APC: variants seen among roughly 807,000 people sequenced by gnomAD.
APC encodes the protein APC regulator of Wnt signaling pathway.
APC carries 72 observed loss-of-function variants against 247.0 expected under a neutral mutation model. The ratio of observed to expected loss-of-function variants is 0.29; its 90% CI spans 0.24 to 0.35. APC has a LOEUF of 0.35. Ranked by LOEUF, APC falls within the 10% of genes least tolerant of loss-of-function variation. The pLI is 1.00. For missense variants in APC, 3,400 were observed against 3,360.7 expected (o/e 1.01, Z -0.29); for synonymous variants, 1,254 against 1,162.5 (o/e 1.08, Z -1.60).
intron 1 of APC, among the ~76,000 whole-genome samples, chr5:112,718,262 T>C (rs113036052): frequency 1.2e-3 from 178 of 152,284 alleles, no homozygotes; most frequent in Non-Finnish European, 2.2e-3. Flanking sequence ...TAGAAATAAA[T>C]TGATGTATAT....
chr5:112,753,604 G>T (rs1022919302), intron 1 of APC, among the ~76,000 whole-genome samples: 1 of 152,070 alleles, frequency 6.6e-6, no homozygotes, highest in Non-Finnish European at 1.5e-5. Flanking sequence ...ATCCCTGCCT[G>T]CAGGACTCCC....
chr5:112,724,874 A>G (rs1751686287), intron 1 of APC, among the ~76,000 whole-genome samples: 1 of 152,226 alleles, frequency 6.6e-6, no homozygotes, highest in Non-Finnish European at 1.5e-5. Context: ...CCTTACATAT[A>G]GTGCTAATGA....
chr5:112,735,618 A>G (rs770101341), upstream of APC, among the ~76,000 whole-genome samples: 14 of 151,898 alleles, frequency 9.2e-5, no homozygotes, highest in Non-Finnish European at 2.1e-4. Context: ...TGCTTCAGTA[A>G]TTTTCCATGC....
At chr5:112,711,522 AT>A (rs1478109756) in intron 1 of APC, among the ~76,000 whole-genome samples, 1 of 152,116 alleles carries the variant, frequency 6.6e-6, no homozygotes, top group African/African-American at 2.4e-5. Context: ...GTTTCTTCAC[AT>A]TTTCCTTTTA....
chr5:112,797,493 C>G (rs1760336552), intron 7 of APC, among the ~76,000 whole-genome samples: 1 of 152,108 alleles, frequency 6.6e-6, no homozygotes, highest in African/African-American at 2.4e-5. Context: ...GGTTTAAGGT[C>G]TAGATGCTGG....
At chr5:112,767,752 A>G (rs1292984202) in intron 4 of APC, among the ~76,000 whole-genome samples, 2 of 150,754 alleles carry the variant, frequency 1.3e-5, no homozygotes, top group African/African-American at 4.9e-5. Context: ...TGCCTCAGCC[A>G]CCCAAGTAGC....
rs1765237439 is a variant in APC at position 112,838,251 on chromosome 5, A to G, written c.2657A>G (p.Gln886Arg). Reference sequence around the variant, plus strand: ...TTGCAGATCTCCACCACTGCAGCCCAGATTGCCAAAGTCATGGAAGAAGTG... The same window carrying G: ...TTGCAGATCTCCACCACTGCAGCCCGGATTGCCAAAGTCATGGAAGAAGTG... ...RGLQISTTAAQIAKVMEEVSA... is the reference protein window; with the variant it reads ...RGLQISTTAARIAKVMEEVSA... Residue 886 changes from glutamine (Q) to arginine (R), a missense_variant, in exon 16 of 16, where the codon CAG becomes CGG. By Grantham distance (43) the Gln-to-Arg change is conservative. Coordinates refer to ENST00000257430, the MANE Select transcript of APC (RefSeq NM_000038.6). The G allele has an allele frequency of 6.2e-7, 1 of 1,614,220 alleles. No homozygotes were observed. The highest frequency in any genetic ancestry group is 1.3e-5 in the African/African-American group (1 of 75,062).
chr5:112,823,744 A>G (rs1039452866), intron 11 of APC, among the ~76,000 whole-genome samples: 1 of 152,198 alleles, frequency 6.6e-6, no homozygotes, highest in Non-Finnish European at 1.5e-5. Flanking sequence ...CTAGATTTTT[A>G]TAATGATTAA....
chr5:112,845,241 T>TA lies in APC; in HGVS notation c.*1115_*1116insA, dbSNP rs1766884432. ...ATTTTTAATATTTTTCCACTTAAAC[T>TA]TTTTTTTCTTACTCCACTGGAGCTC... On this transcript the variant is annotated 3_prime_UTR_variant, in exon 16 of 16. Coordinates refer to ENST00000257430, the MANE Select transcript of APC (RefSeq NM_000038.6). 4.3e-6 allele frequency: 1 copy of TA among 231,564 alleles called. No homozygotes were observed. The highest frequency in any genetic ancestry group is 1.8e-4 in the South Asian group (1 of 5,508). The allele number at this position is 231,564 out of a possible 1,614,324, so 14.3% of individuals were successfully genotyped here.
In APC at chr5:112,775,671, A is replaced by G. The variant is rs778691867; in HGVS notation, c.465A>G (p.Lys155=). 12 of 1,609,080 alleles carry G rather than the reference A, an allele frequency of 7.5e-6. No individual in the cohort carries two copies. In the East Asian group the frequency reaches 2.7e-4, roughly 36 times the overall value. ...ATCTTGACAAAGAAGAAAAGGAAAAAGACTGGTATTACGCTCAACTTCAGA... is the reference window on the plus strand; with the variant it reads ...ATCTTGACAAAGAAGAAAAGGAAAAGGACTGGTATTACGCTCAACTTCAGA... ...LADLDKEEKE[K]DWYYAQLQNL... is the part of the protein sequence containing the mutation. Residue 155 remains lysine, a synonymous_variant, in exon 5 of 16, where the codon AAA becomes AAG. Transcript: ENST00000257430.
At chr5:112,780,368 G>T (rs1758189103) in intron 5 of APC, among the ~76,000 whole-genome samples, 1 of 152,088 alleles carries the variant, frequency 6.6e-6, no homozygotes, top group Non-Finnish European at 1.5e-5. Context: ...TTAAGTTGAA[G>T]TATGAGCTTA....
At position 112,767,288 on chromosome 5, in the gene APC, C is replaced by A. The variant is rs774416950; in HGVS notation, c.320C>A (p.Ser107Tyr). 5.0e-6 allele frequency: 8 copies of A among 1,614,132 alleles called. No individual in the cohort carries two copies. Among genetic ancestry groups the A allele is most frequent in the Non-Finnish European group, 6.8e-6 (8 of 1,179,998 alleles). ...GSREGSVSSR[S>Y]GECSPVPMGS... ...CGGGAAGGATCTGTATCAAGCCGTT[C>A]TGGAGAGTGCAGTCCTGTTCCTATG... Residue 107 changes from serine to tyrosine, a missense_variant, in exon 4 of 16, where the codon TCT (serine) becomes TAT (tyrosine). Ser to Tyr is a moderately radical substitution (Grantham distance 144). This residue lies in a region of APC where 372 missense variants were observed against 367.6 expected (regional missense o/e 1.01). Coordinates refer to ENST00000257430, the MANE Select transcript of APC (RefSeq NM_000038.6).
chr5:112,837,856 T>C lies in APC; in HGVS notation c.2262T>C (p.Val754=), dbSNP rs148987776. The change falls in exon 16 of 16, where the codon GTT becomes GTC. Residue 754 remains valine, a synonymous_variant. Transcript: ENST00000257430. ...SPGSSLPSLH[V]RKQKALEAEL... The stretch of plus-strand genomic sequence containing the variant: ...GCTCAAGCTTGCCATCTCTTCATGT[T>C]AGGAAACAAAAAGCCCTAGAAGCAG... 6.2e-7 allele frequency: 1 copy of C among 1,614,044 alleles called. No individual in the cohort carries two copies. The highest frequency in any genetic ancestry group is 8.5e-7 in the Non-Finnish European group (1 of 1,180,026).
intron 2 of APC, among the ~76,000 whole-genome samples, chr5:112,760,775 T>G (rs903649383): frequency 6.6e-6 from 1 of 152,102 alleles, no homozygotes; most frequent in African/African-American, 2.4e-5. Context: ...CCAAACCAGT[T>G]AGTTGTGAAC....
intron 1 of APC, 100 bp from the exon 2 acceptor site, chr5:112,754,773 A>C (rs1754764771): frequency 8.9e-7 from 1 of 1,119,078 alleles, no homozygotes; most frequent in Non-Finnish European, 1.3e-6. Context: ...AATTCTTCTT[A>C]AACGTCTTAA....
At chr5:112,765,551 G>A (rs967284966) in intron 2 of APC, among the ~76,000 whole-genome samples, 2 of 152,178 alleles carry the variant, frequency 1.3e-5, no homozygotes, top group Admixed American at 6.5e-5. Flanking sequence ...AGTTGCAAAT[G>A]TTCAAATATT....
At chr5:112,728,397 G>T (rs895941862) in intron 1 of APC, among the ~76,000 whole-genome samples, 3 of 152,114 alleles carry the variant, frequency 2.0e-5, no homozygotes, top group African/African-American at 4.8e-5. Context: ...CTCCCAAAGT[G>T]CTGGGAATAC....
chr5:112,836,009 CTTTTTTT>C (rs371484714), intron 15 of APC, among the ~76,000 whole-genome samples: 3,947 of 106,306 alleles, frequency 0.037, 96 homozygotes, highest in African/African-American at 0.14. Context: ...ATACAACTGT[CTTTTTTT>C]TTTTTTTTTT....
In APC at chr5:112,767,353, G is replaced by C. The variant is rs376628500; in HGVS notation, c.385G>C (p.Glu129Gln). ...PRRGFVNGSR[E>Q]STGYLEELEK... ...AAGAGGGTTTGTAAATGGAAGCAGA[G>C]AAAGTACTGGATATTTAGAAGAACT... The change falls in exon 4 of 16, where the codon GAA becomes CAA. Residue 129 changes from glutamate to glutamine, a missense_variant. By Grantham distance (29) the Glu-to-Gln change is conservative. Transcript: ENST00000257430. The C allele has an allele frequency of 3.8e-5, 61 of 1,614,130 alleles. No homozygotes were observed. The highest frequency in any genetic ancestry group is 2.7e-4 in the East Asian group (12 of 44,876).
Sources: gnomAD v4.1 joint callset for allele counts (sites outside exome capture counted in the v4.1 genomes callset) on GRCh38, gnomAD v4.1.1 for gene constraint, gnomAD v4.1.1 regional missense constraint, MANE v1.5 for transcripts, NCBI Gene and HGNC (gene_info 2026-07-23, HGNC 2026-07-21) for gene names.